The following CBLB variants were observed in gnomAD, a reference collection of about 807,000 sequenced individuals.
The protein encoded by CBLB is Cbl proto-oncogene B.
In CBLB, 31 loss-of-function variants were observed where a neutral mutation model predicts 104.9. The observed-to-expected ratio is 0.30, with a 90% CI of 0.22 to 0.40. The LOEUF (loss-of-function observed/expected upper bound fraction) is 0.40. CBLB is among the 10% of genes least tolerant of loss of function. The pLI is 1.00. For missense variants in CBLB, 1,062 were observed against 1,214.6 expected (o/e 0.87, Z 1.87); for synonymous variants, 440 against 422.6 (o/e 1.04, Z -0.51).
At chr3:105,868,109 G>C (rs1706385443) in intron 1 of CBLB, 2 of 626,920 alleles carry the variant, frequency 3.2e-6, no homozygotes, top group Non-Finnish European at 4.6e-6. Flanking sequence ...CAGCTCTGTT[G>C]TCAACAAAAG....
intron 2 of CBLB, among the ~76,000 whole-genome samples, chr3:105,863,918 T>C (rs2092275234): frequency 1.3e-5 from 2 of 152,214 alleles, no homozygotes; most frequent in Non-Finnish European, 2.9e-5. Context: ...TTAGTATCTA[T>C]TAGATGGAAA....
rs183207874 is a variant in CBLB, at chr3:105,754,227, T to A, written c.567-2609A>T. Among the ~76,000 whole-genome samples, 154 of 152,066 alleles carry A rather than the reference T, an allele frequency of 1.0e-3. 3 individuals carry two copies. The highest frequency in any genetic ancestry group is 3.4e-3 in the African/African-American group (140 of 41,500). On this transcript the variant is annotated intron_variant, in intron 4 of 18. Transcript: ENST00000394030. ...AAGTCTTTAAAAACAAACAAAAAAA[T>A]TAGATTATTCTAAACTGTTGCACTA...
chr3:105,760,008 C>A (rs1867191), intron 4 of CBLB, among the ~76,000 whole-genome samples: 79,024 of 152,042 alleles, frequency 0.52, 21,158 homozygotes, highest in Middle Eastern at 0.66. Flanking sequence ...TTCACATATT[C>A]ATATTCTGCA....
At chr3:105,809,195 A>T (rs1027913412) in intron 3 of CBLB, among the ~76,000 whole-genome samples, 2 of 152,220 alleles carry the variant, frequency 1.3e-5, no homozygotes, top group Non-Finnish European at 2.9e-5. Context: ...TATTATACTC[A>T]ACCTTGTTAT....
At position 105,659,188 on chromosome 3, in the gene CBLB, G is replaced by A. The variant is rs990086709; in HGVS notation, c.2731C>T (p.Arg911Cys). The stretch of plus-strand genomic sequence containing the variant: ...TGGTGAATTTCTGGTGCAGTCCTGC[G>A]CGGTCGTGGTTTAGGGGGTCTGGCT... The part of the protein sequence containing the change: ...APARPPKPRP[R>C]RTAPEIHHRK... The change falls in exon 19 of 19, where the codon CGC becomes TGC. Residue 911 changes from arginine (R) to cysteine (C), a missense_variant. Around this residue, in one of 2 missense-constraint regions of CBLB, gnomAD observed 605 missense variants for 582.6 expected, o/e 1.04. Transcript: ENST00000394030. 10 of 1,613,766 alleles carry A rather than the reference G, an allele frequency of 6.2e-6. No homozygotes were observed. Among genetic ancestry groups the A allele is most frequent in the African/African-American group, 5.3e-5 (4 of 74,874 alleles).
Position 105,720,034 on chromosome 3 carries a change from T to C in CBLB, c.1407+13A>G. 1 of 1,585,978 alleles carries C rather than the reference T, an allele frequency of 6.3e-7. No homozygotes were observed. Among genetic ancestry groups the C allele is most frequent in the South Asian group, 1.1e-5 (1 of 90,510 alleles). On this transcript the variant is annotated intron_variant, in intron 10 of 18. Transcript: ENST00000394030. ...TCACATCACCTTAACTAAACCCATGTTTCTAGTTTTACCTTTCGGACGTTT... is the reference window on the plus strand; with the variant it reads ...TCACATCACCTTAACTAAACCCATGCTTCTAGTTTTACCTTTCGGACGTTT...
At chr3:105,696,072 A>T (rs2068343259) in intron 12 of CBLB, among the ~76,000 whole-genome samples, 1 of 151,608 alleles carries the variant, frequency 6.6e-6, no homozygotes, top group Admixed American at 6.6e-5. Context: ...ATATACATAC[A>T]TACATATATA....
intron 3 of CBLB, among the ~76,000 whole-genome samples, chr3:105,812,064 TTTG>T (rs1012574844): frequency 6.6e-6 from 1 of 152,130 alleles, no homozygotes; most frequent in Non-Finnish European, 1.5e-5. Flanking sequence ...TTCTTGTTTG[TTTG>T]TTGTTTTAAC....
At chr3:105,768,234 C>T (rs899146677) in intron 4 of CBLB, among the ~76,000 whole-genome samples, 2 of 152,020 alleles carry the variant, frequency 1.3e-5, no homozygotes, top group African/African-American at 4.8e-5. Flanking sequence ...AAGAAGAGAT[C>T]TAGTAATAAC....
chr3:105,868,351 C>T (rs1706463095), intron 1 of CBLB: 3 of 550,544 alleles, frequency 5.4e-6, no homozygotes, highest in Non-Finnish European at 8.2e-6. Context: ...ACGCCTGTGT[C>T]CCTTCCCTGC....
At chr3:105,842,517 G>A (rs1359914986) in intron 3 of CBLB, among the ~76,000 whole-genome samples, 1 of 152,190 alleles carries the variant, frequency 6.6e-6, no homozygotes, top group African/African-American at 2.4e-5. Flanking sequence ...TATGGAGGCT[G>A]AAATTTCAAA....
chr3:105,856,181 CT>C (rs2091576982), intron 2 of CBLB, among the ~76,000 whole-genome samples: 1 of 151,848 alleles, frequency 6.6e-6, no homozygotes, highest in African/African-American at 2.4e-5. Context: ...GAAACCCTGT[CT>C]CTACTAAAAA....
chr3:105,783,887 C>T (rs2080616752), intron 3 of CBLB, among the ~76,000 whole-genome samples: 1 of 152,028 alleles, frequency 6.6e-6, no homozygotes, highest in Admixed American at 6.6e-5. Context: ...ATTGTAACAG[C>T]AGTATGCATG....
chr3:105,867,708 C>A, intron 1 of CBLB, 117 bp from the exon 2 acceptor site: 1 of 831,600 alleles, frequency 1.2e-6, no homozygotes, highest in Non-Finnish European at 2.0e-6. Context: ...AGAGCAAAAC[C>A]AAAAGTTCCG....
At chr3:105,785,805 G>C (rs563040322) in intron 3 of CBLB, among the ~76,000 whole-genome samples, 23 of 152,090 alleles carry the variant, frequency 1.5e-4, no homozygotes, top group Non-Finnish European at 3.1e-4. Flanking sequence ...TCTTTATTCA[G>C]TATGTGCAAA....
intron 3 of CBLB, among the ~76,000 whole-genome samples, chr3:105,847,421 C>CAA (rs780169828): frequency 4.3e-3 from 646 of 151,266 alleles, no homozygotes; most frequent in Non-Finnish European, 7.0e-3. Flanking sequence ...CACACACACA[C>CAA]ACACACACCC....
chr3:105,669,065 AATCCATCC>A (rs140483751), intron 18 of CBLB, among the ~76,000 whole-genome samples: 34,504 of 149,850 alleles, frequency 0.23, 4,052 homozygotes, highest in Admixed American at 0.26. Flanking sequence ...TGTCCACTCA[AATCCATCC>A]ATCCATCCAT....
chr3:105,712,929 A>C (rs979125892), intron 10 of CBLB, among the ~76,000 whole-genome samples: 2 of 152,124 alleles, frequency 1.3e-5, no homozygotes, highest in African/African-American at 4.8e-5. Flanking sequence ...CTAATAACTT[A>C]ATTCTTAGAA....
At position 105,821,840 on chromosome 3, in the gene CBLB, G is replaced by C. The variant is rs187960239; in HGVS notation, c.419+31574C>G. On this transcript the variant is annotated intron_variant, in intron 3 of 18. Transcript: ENST00000394030. ...GGAAGAAACAGCTTCTTATTTTCAAGGTCATGATTTCATCCCTTCTCACTT... is the reference window on the plus strand; with the variant it reads ...GGAAGAAACAGCTTCTTATTTTCAACGTCATGATTTCATCCCTTCTCACTT... 2.0e-3 allele frequency among the ~76,000 whole-genome samples: 303 copies of C among 152,148 alleles called. 2 individuals carry two copies. Among genetic ancestry groups the C allele is most frequent in the African/African-American group, 7.1e-3 (294 of 41,494 alleles).
Sources: gnomAD v4.1 joint callset for allele counts (sites outside exome capture counted in the v4.1 genomes callset) on GRCh38, gnomAD v4.1.1 for gene constraint, gnomAD v4.1.1 regional missense constraint, MANE v1.5 for transcripts, NCBI Gene and HGNC (gene_info 2026-07-23, HGNC 2026-07-21) for gene names.